Variants in SHB observed in about 807,000 individuals in gnomAD.
SHB encodes the protein SH2 domain containing adaptor protein B, also known as SH2 domain-containing adapter protein B.
In SHB, 20 loss-of-function variants were observed where a neutral mutation model predicts 52.3. The observed-to-expected ratio is 0.38, with a 90% confidence interval of 0.27 to 0.56. The LOEUF (loss-of-function observed/expected upper bound fraction) is 0.56, where lower values mean the gene tolerates loss of function less well. SHB is among the 20% of genes least tolerant of loss of function. The pLI, the probability that SHB is intolerant of heterozygous loss-of-function variation, is 0.71. For synonymous variants in SHB, 397 were observed against 316.5 expected (o/e 1.25, Z -2.70); for missense variants, 825 against 723.3 (o/e 1.14, Z -1.61).
chr9:37,959,383 G>A (rs1832669958), intron 3 of SHB, among the ~76,000 whole-genome samples: 1 of 152,132 alleles, frequency 6.6e-6, no homozygotes, highest in Non-Finnish European at 1.5e-5. Context: ...AGGCATCCTG[G>A]CCCATAGGGC....
rs188713154 is a variant in SHB, at chr9:38,030,723, G to T, written c.718-14592C>A. On this transcript the variant is annotated intron_variant, in intron 1 of 5. Transcript: ENST00000377707. Reference sequence around the variant, plus strand: ...TCACATTCTTATTTTTTGTGGGATGGGCCCTGCAAATTATGTAGCTGATCG... The same window carrying T: ...TCACATTCTTATTTTTTGTGGGATGTGCCCTGCAAATTATGTAGCTGATCG... Among the ~76,000 whole-genome samples, 96 of 152,064 alleles carry T rather than the reference G, an allele frequency of 6.3e-4. 1 individual carries two copies. Among genetic ancestry groups the T allele is most frequent in the Non-Finnish European group, 4.6e-4 (31 of 67,972 alleles).
At chr9:37,928,858 C>G (rs758742228) in intron 5 of SHB, among the ~76,000 whole-genome samples, 2 of 152,246 alleles carry the variant, frequency 1.3e-5, no homozygotes, top group Non-Finnish European at 2.9e-5. Flanking sequence ...CTAGTCCCAC[C>G]TGAGCAGCAC....
intron 1 of SHB, among the ~76,000 whole-genome samples, chr9:38,034,118 G>C (rs1012310129): frequency 2.0e-5 from 3 of 152,188 alleles, no homozygotes; most frequent in Non-Finnish European, 2.9e-5. Flanking sequence ...CATCTGCCTG[G>C]TGAGGGAGTT....
In SHB at chr9:38,068,350, G is replaced by C; in HGVS notation, c.296C>G (p.Pro99Arg). The part of the protein sequence containing the change: ...ERDFEDPYNG[P>R]GSSLRKLRAM... ...GCGCAGTTTGCGCAGCGACGAGCCA[G>C]GCCCGTTGTAGGGGTCCTCGAAGTC... is the stretch of plus-strand genomic sequence containing the variant. Residue 99 changes from proline (P) to arginine (R), a missense_variant, in exon 1 of 6, where the codon CCT becomes CGT. Pro to Arg is a moderately radical substitution (Grantham distance 103). Coordinates refer to ENST00000377707, the MANE Select transcript of SHB (RefSeq NM_003028.3). 1 of 1,562,656 alleles carries C rather than the reference G, an allele frequency of 6.4e-7. No homozygotes were observed. Among genetic ancestry groups the C allele is most frequent in the Non-Finnish European group, 8.6e-7 (1 of 1,158,936 alleles).
chr9:38,054,754 G>C (rs1587266524), intron 1 of SHB, among the ~76,000 whole-genome samples: 2 of 152,288 alleles, frequency 1.3e-5, no homozygotes, highest in Middle Eastern at 3.4e-3. Flanking sequence ...GACAGTAGTA[G>C]AATCTACAAA....
At chr9:38,003,726 G>C (rs1821046586) in intron 2 of SHB, among the ~76,000 whole-genome samples, 1 of 152,200 alleles carries the variant, frequency 6.6e-6, no homozygotes, top group Admixed American at 6.5e-5. Context: ...ATGTCCCTCA[G>C]TGCCCACTGG....
rs753004158 is a variant in SHB, at chr9:38,016,064, T to A, written c.785A>T (p.Lys262Met). ...AKNDLKSKAG[K>M]GESAGYMEPY... is the part of the protein sequence containing the mutation. The stretch of plus-strand genomic sequence containing the variant: ...CTCCATGTAGCCAGCACTCTCCCCC[T>A]TTCCTGCTTTGCTCTTGAGATCATT... Residue 262 changes from lysine to methionine, a missense_variant, in exon 2 of 6, where the codon AAG becomes ATG. By Grantham distance (95) the Lys-to-Met change is moderately conservative (BLOSUM62 -1). Transcript: ENST00000377707. The A allele has an allele frequency of 1.2e-6, 2 of 1,614,168 alleles. No homozygotes were observed. Among genetic ancestry groups the A allele is most frequent in the Non-Finnish European group, 1.7e-6 (2 of 1,179,982 alleles).
intron 1 of SHB, among the ~76,000 whole-genome samples, chr9:38,056,691 G>A (rs948979070): frequency 1.3e-5 from 2 of 152,206 alleles, no homozygotes; most frequent in African/African-American, 2.4e-5. Context: ...TGATTAAATA[G>A]AAAACAATTC....
At chr9:38,025,636 T>A (rs1422977964) in intron 1 of SHB, among the ~76,000 whole-genome samples, 2 of 152,120 alleles carry the variant, frequency 1.3e-5, no homozygotes, top group Non-Finnish European at 2.9e-5. Context: ...GCTCTCACCC[T>A]CCTCATCTGT....
At chr9:38,011,601 C>G (rs1821144154) in intron 2 of SHB, among the ~76,000 whole-genome samples, 2 of 152,154 alleles carry the variant, frequency 1.3e-5, no homozygotes. Flanking sequence ...AGGGTTAATG[C>G]AGACCTCAGA....
At chr9:38,051,749 C>T (rs531471824) in intron 1 of SHB, among the ~76,000 whole-genome samples, 2 of 152,172 alleles carry the variant, frequency 1.3e-5, no homozygotes, top group Admixed American at 6.5e-5. Flanking sequence ...CTTTACAAAG[C>T]GTTTCTTCTG....
intron 3 of SHB, among the ~76,000 whole-genome samples, chr9:37,968,592 G>A (rs538146413): frequency 7.9e-5 from 12 of 152,332 alleles, no homozygotes; most frequent in African/African-American, 2.9e-4. Flanking sequence ...AACTTTCACG[G>A]AGACAAAGCT....
Position 37,947,527 on chromosome 9 carries a change from C to T in SHB, c.1346+1108G>A, listed in dbSNP as rs1314473480. On this transcript the variant is annotated intron_variant, in intron 5 of 5. Transcript: ENST00000377707. ...ATGCTCTCTCTTCTCTAGGTGGACTCCCACAGCCTGTGTGCCTTGCCCTAC... is the reference window on the plus strand; with the variant it reads ...ATGCTCTCTCTTCTCTAGGTGGACTTCCACAGCCTGTGTGCCTTGCCCTAC... 4.6e-5 allele frequency among the ~76,000 whole-genome samples: 7 copies of T among 152,372 alleles called. No individual in the cohort carries two copies. The South Asian group carries it at 1.0e-3, about 23-fold the overall frequency.
At chr9:38,023,679 T>C (rs992048758) in intron 1 of SHB, among the ~76,000 whole-genome samples, 10 of 152,192 alleles carry the variant, frequency 6.6e-5, no homozygotes, top group Non-Finnish European at 1.2e-4. Flanking sequence ...CTTTCCTGCT[T>C]TGGGTAAGAT....
Position 37,919,789 on chromosome 9 carries a change from C to A in SHB, c.*32G>T. 6.3e-7 allele frequency: 1 copy of A among 1,592,488 alleles called. No individual in the cohort carries two copies. The highest frequency in any genetic ancestry group is 8.6e-7 in the Non-Finnish European group (1 of 1,163,666). On this transcript the variant is annotated 3_prime_UTR_variant, in exon 6 of 6. Transcript: ENST00000377707. Reference sequence around the variant, plus strand: ...GCCTCTGGCACCTCCAAGTCTCAGGCTCTGTCACAGAGCAGGGCAGGTCTG... The same window carrying A: ...GCCTCTGGCACCTCCAAGTCTCAGGATCTGTCACAGAGCAGGGCAGGTCTG...
At chr9:37,993,534 A>G (rs1820909644) in intron 2 of SHB, among the ~76,000 whole-genome samples, 1 of 152,192 alleles carries the variant, frequency 6.6e-6, no homozygotes, top group African/African-American at 2.4e-5. Context: ...GTTGTGCACA[A>G]GTACCTTAGA....
chr9:38,005,288 A>T (rs1324466562), intron 2 of SHB, among the ~76,000 whole-genome samples: 1 of 152,176 alleles, frequency 6.6e-6, no homozygotes, highest in Non-Finnish European at 1.5e-5. Flanking sequence ...CCTGAAAGGG[A>T]GAGTGAAGAG....
At chr9:37,973,317 A>G (rs369535912) in intron 3 of SHB, among the ~76,000 whole-genome samples, 342 of 152,282 alleles carry the variant, frequency 2.2e-3, no homozygotes, top group African/African-American at 7.6e-3. Context: ...TCCACCTCCC[A>G]GGTTCAAGCG....
chr9:38,001,149 T>G (rs1160598406), intron 2 of SHB, among the ~76,000 whole-genome samples: 1 of 152,244 alleles, frequency 6.6e-6, no homozygotes, highest in Non-Finnish European at 1.5e-5. Context: ...ATGGACATTC[T>G]TTTTCAGCAG....
Sources: allele counts gnomAD v4.1 joint callset (sites outside exome capture counted in the v4.1 genomes callset), GRCh38; gene constraint gnomAD v4.1.1; transcripts MANE v1.5; gene names NCBI Gene and HGNC (gene_info 2026-07-23, HGNC 2026-07-21).